HSPA4L: variants seen among roughly 807,000 people sequenced by gnomAD.
The protein encoded by HSPA4L is heat shock protein family A (Hsp70) member 4 like.
In HSPA4L, 48 loss-of-function variants were observed where a neutral mutation model predicts 100.3. That is an observed-to-expected ratio of 0.48 (90% CI 0.38 to 0.61). The LOEUF (loss-of-function observed/expected upper bound fraction) is 0.61. Among genes scored for constraint, HSPA4L ranks in the 20% least tolerant of loss-of-function variants. The pLI is 0.00. For synonymous variants in HSPA4L, 319 were observed against 328.2 expected (o/e 0.97, Z 0.30); for missense variants, 886 against 988.6 (o/e 0.90, Z 1.39).
chr4:127,818,321 C>A lies in HSPA4L; in HGVS notation c.1579-4C>A. The A allele has an allele frequency of 6.3e-7, 1 of 1,592,722 alleles. No individual in the cohort carries two copies. Among genetic ancestry groups the A allele is most frequent in the Non-Finnish European group, 8.6e-7 (1 of 1,163,470 alleles). On this transcript the variant is annotated splice_polypyrimidine_tract_variant and splice_region_variant and intron_variant, in intron 12 of 18. Coordinates refer to ENST00000296464, the MANE Select transcript of HSPA4L (RefSeq NM_014278.4). ...ATATTATCAATTATGTATTTTCTTT[C>A]TAGGATAAAATGCAGGTTGATCAAG...
In HSPA4L at chr4:127,840,082, AT is replaced by A. The variant is rs1030536582; in HGVS notation, c.*7209del. The A allele has an allele frequency of 2.4e-4, 36 of 151,724 alleles. No individual in the cohort carries two copies. Among genetic ancestry groups the A allele is most frequent in the African/African-American group, 8.5e-4 (35 of 41,352 alleles). 9.4% of individuals were successfully genotyped at this position (151,724 alleles called of 1,614,324 possible). A position where few individuals can be genotyped will look rare whatever the true frequency, so the allele number is the denominator to read the frequency against. On this transcript the variant is annotated 3_prime_UTR_variant, in exon 19 of 19. Coordinates refer to ENST00000296464, the MANE Select transcript of HSPA4L (RefSeq NM_014278.4). ...AAAAAATACAAAAATTAGCGGGGCCATGGTGACGTGCACCTGTAATCCCAGC... is the reference window on the plus strand; with the variant it reads ...AAAAAATACAAAAATTAGCGGGGCCAGGTGACGTGCACCTGTAATCCCAGC...
chr4:127,827,450 T>A, intron 17 of HSPA4L, 26 bp downstream of exon 17: 1 of 1,613,010 alleles, frequency 6.2e-7, no homozygotes, highest in South Asian at 1.1e-5. Flanking sequence ...AGCCAATTGG[T>A]GACGATGGCA....
chr4:127,818,566 T>TGA (rs1733733553), intron 13 of HSPA4L, 146 bp downstream of exon 13: 8 of 497,538 alleles, frequency 1.6e-5, no homozygotes, highest in Non-Finnish European at 2.1e-5. Context: ...ATAAATATAC[T>TGA]TTAATGATTT....
chr4:127,815,491 C>CAA (rs752477051), intron 12 of HSPA4L, among the ~76,000 whole-genome samples: 4 of 111,312 alleles, frequency 3.6e-5, no homozygotes, highest in Admixed American at 9.7e-5. Flanking sequence ...ACATAGTCTG[C>CAA]AAAAAAAAAA....
At chr4:127,824,996 T>C (rs1039385986) in intron 16 of HSPA4L, among the ~76,000 whole-genome samples, 1 of 151,968 alleles carries the variant, frequency 6.6e-6, no homozygotes, top group Non-Finnish European at 1.5e-5. Context: ...AAAAATTAGC[T>C]GAGCGTGGTG....
intron 1 of HSPA4L, among the ~76,000 whole-genome samples, chr4:127,784,522 T>C (rs1732657783): frequency 1.3e-5 from 2 of 152,224 alleles, no homozygotes; most frequent in Non-Finnish European, 2.9e-5. Context: ...AATAGTAATA[T>C]CTAGATTTAA....
chr4:127,823,744 A>G (rs1034432104), intron 16 of HSPA4L, 120 bp downstream of exon 16: 6 of 618,338 alleles, frequency 9.7e-6, no homozygotes, highest in Non-Finnish European at 1.7e-5. Flanking sequence ...AAAATTGTAT[A>G]TATTTGTGGT....
intron 17 of HSPA4L, among the ~76,000 whole-genome samples, chr4:127,828,015 C>T (rs982873609): frequency 6.6e-6 from 1 of 151,878 alleles, no homozygotes; most frequent in Admixed American, 6.6e-5. Context: ...GTTTTGTTTC[C>T]TCTAAATCAG....
At chr4:127,803,980 G>C (rs749558767) in intron 7 of HSPA4L, 31 bp from the exon 8 acceptor site, 1 of 1,611,932 alleles carries the variant, frequency 6.2e-7, no homozygotes, top group Non-Finnish European at 8.5e-7. Flanking sequence ...TTTAATCCCA[G>C]AATAATGAAT....
intron 11 of HSPA4L, among the ~76,000 whole-genome samples, chr4:127,810,455 G>A (rs143122646): frequency 1.9e-3 from 290 of 152,224 alleles, no homozygotes; most frequent in African/African-American, 6.5e-3. Flanking sequence ...CTGAAGTCAA[G>A]GTATCTCCAA....
In HSPA4L at chr4:127,821,243, A is replaced by T. The variant is rs536789701; in HGVS notation, c.1812+678A>T. ...AGGCTGCATTTTATGTGAAGCAAGCATTCCTGGAGATCCTGAATAATTTGG... is the reference window on the plus strand; with the variant it reads ...AGGCTGCATTTTATGTGAAGCAAGCTTTCCTGGAGATCCTGAATAATTTGG... On this transcript the variant is annotated intron_variant, in intron 14 of 18. Coordinates refer to ENST00000296464, the MANE Select transcript of HSPA4L (RefSeq NM_014278.4). 1.8e-3 allele frequency among the ~76,000 whole-genome samples: 278 copies of T among 152,262 alleles called. 3 individuals are homozygous for T. Among genetic ancestry groups the T allele is most frequent in the African/African-American group, 6.6e-3 (274 of 41,586 alleles).
chr4:127,818,438 T>C lies in HSPA4L; in HGVS notation c.1674+18T>C. On this transcript the variant is annotated intron_variant, in intron 13 of 18. Coordinates refer to ENST00000296464, the MANE Select transcript of HSPA4L (RefSeq NM_014278.4). ...AAACAAAGGTTTGGTTTACTTTTTCTGTAGTTATGTCTTTTTGAAATTGAT... is the reference window on the plus strand; with the variant it reads ...AAACAAAGGTTTGGTTTACTTTTTCCGTAGTTATGTCTTTTTGAAATTGAT... The C allele has an allele frequency of 6.8e-7, 1 of 1,463,040 alleles. No homozygotes were observed. Among genetic ancestry groups the C allele is most frequent in the East Asian group, 2.3e-5 (1 of 43,918 alleles). 90.6% of individuals were successfully genotyped at this position (1,463,040 alleles called of 1,614,324 possible).
In HSPA4L at chr4:127,830,724, G is replaced by T; in HGVS notation, c.2253G>T (p.Lys751Asn). 6.2e-7 allele frequency: 1 copy of T among 1,611,330 alleles called. No individual in the cohort carries two copies. Among genetic ancestry groups the T allele is most frequent in the African/African-American group, 1.3e-5 (1 of 74,814 alleles). ...ISDAMSWLNS[K>N]MNAQNKLSLT... ...ATGCCATGAGTTGGCTGAATAGTAA[G>T]ATGAATGCACAGAACAAACTAAGTC... The change falls in exon 18 of 19, where the codon AAG becomes AAT. Residue 751 changes from lysine (K) to asparagine (N), a missense_variant. Coordinates refer to ENST00000296464, the MANE Select transcript of HSPA4L (RefSeq NM_014278.4).
In HSPA4L at chr4:127,801,769, C is replaced by G. The variant is rs746363397; in HGVS notation, c.530-16C>G. The G allele has an allele frequency of 7.0e-6, 11 of 1,577,390 alleles. No homozygotes were observed. In the Admixed American group the frequency reaches 1.9e-4, roughly 27 times the overall value. The stretch of plus-strand genomic sequence containing the variant: ...TTACTGTGCTAGAATTAACATAATT[C>G]TTTGTTCTTATACAGTTGCACTGGC... On this transcript the variant is annotated splice_polypyrimidine_tract_variant and intron_variant, in intron 5 of 18. Transcript: ENST00000296464.
chr4:127,791,360 A>G (rs558250243), intron 1 of HSPA4L, among the ~76,000 whole-genome samples: 1 of 152,302 alleles, frequency 6.6e-6, no homozygotes, highest in African/African-American at 2.4e-5. Flanking sequence ...AAGATAGCTG[A>G]TGAGCTAGAA....
intron 12 of HSPA4L, among the ~76,000 whole-genome samples, chr4:127,814,654 A>C (rs1258438363): frequency 6.6e-6 from 1 of 151,248 alleles, no homozygotes; most frequent in Non-Finnish European, 1.5e-5. Context: ...TGCAACCTCC[A>C]CCTCCCAGGT....
intron 12 of HSPA4L, among the ~76,000 whole-genome samples, chr4:127,817,176 C>T (rs1318725848): frequency 2.6e-5 from 4 of 152,104 alleles, no homozygotes; most frequent in Admixed American, 6.6e-5. Flanking sequence ...AGCAGTTCTC[C>T]GGCCTCAGCC....
At chr4:127,785,615 T>G (rs1216327875) in intron 1 of HSPA4L, among the ~76,000 whole-genome samples, 1 of 152,068 alleles carries the variant, frequency 6.6e-6, no homozygotes, top group Non-Finnish European at 1.5e-5. Context: ...TTTTGTATTT[T>G]TAGTAGAGAC....
chr4:127,830,561 T>C, intron 17 of HSPA4L, 77 bp from the exon 18 acceptor site: 2 of 1,191,334 alleles, frequency 1.7e-6, no homozygotes, highest in Non-Finnish European at 2.3e-6. Flanking sequence ...TCTAAATTTT[T>C]AAAGTAGAAA....
Sources: gnomAD v4.1 joint callset for allele counts (sites outside exome capture counted in the v4.1 genomes callset) on GRCh38, gnomAD v4.1.1 for gene constraint, MANE v1.5 for transcripts, NCBI Gene and HGNC (gene_info 2026-07-23, HGNC 2026-07-21) for gene names.